Variants in ZFP82 observed in about 807,000 individuals in gnomAD.
The protein encoded by ZFP82 is zinc finger protein 82 homolog.
ZFP82 carries 30 observed loss-of-function variants against 54.0 expected under a neutral mutation model. The ratio of observed to expected loss-of-function variants is 0.56; its 90% CI spans 0.42 to 0.75. The LOEUF is 0.75. ZFP82 is among the 30% of genes least tolerant of loss of function. The probability of loss-of-function intolerance (pLI) is 0.00; values close to 1 mark genes in which losing one functional copy is unlikely to be tolerated. For synonymous variants in ZFP82, 194 were observed against 209.5 expected (o/e 0.93, Z 0.64); for missense variants, 500 against 636.8 (o/e 0.79, Z 2.31).
Position 36,392,616 on chromosome 19 carries a change from T to A in ZFP82, c.*125A>T, listed in dbSNP as rs1285993290. 2 of 798,994 alleles carry A rather than the reference T, an allele frequency of 2.5e-6. No homozygotes were observed. Among genetic ancestry groups the A allele is most frequent in the East Asian group, 2.8e-5 (1 of 36,302 alleles). The allele number at this position is 798,994 out of a possible 1,614,324, so 49.5% of individuals were successfully genotyped here. A position where few individuals can be genotyped will look rare whatever the true frequency, so the allele number is the denominator to read the frequency against. ...AGGTTTGAGTGATGATGGACTACAATACATTGTCACACTCTTTTAATGGTA... is the reference window on the plus strand; with the variant it reads ...AGGTTTGAGTGATGATGGACTACAAAACATTGTCACACTCTTTTAATGGTA... On this transcript the variant is annotated 3_prime_UTR_variant, in exon 5 of 5. Coordinates refer to ENST00000392161, the MANE Select transcript of ZFP82 (RefSeq NM_133466.4).
chr19:36,394,109 A>C lies in ZFP82; in HGVS notation c.231T>G (p.Asp77Glu). The change falls in exon 5 of 5, where the codon GAT (aspartate) becomes GAG (glutamate). Residue 77 changes from aspartate to glutamate, a missense_variant and splice_region_variant. By Grantham distance (45) the Asp-to-Glu change is conservative. Coordinates refer to ENST00000392161, the MANE Select transcript of ZFP82 (RefSeq NM_133466.4). ...VVRKGRRQYP[D>E]LETKYETKKL... ...TCTTGGTCTCATACTTGGTCTCCAA[A>C]TCTAAAATAAAACAAGAAAGCAAAC... The C allele has an allele frequency of 1.3e-6, 2 of 1,597,106 alleles. No individual in the cohort carries two copies. Among genetic ancestry groups the C allele is most frequent in the Non-Finnish European group, 1.7e-6 (2 of 1,176,124 alleles).
intron 1 of ZFP82, among the ~76,000 whole-genome samples, chr19:36,414,031 G>C (rs1451123231): frequency 2.7e-5 from 4 of 150,726 alleles, no homozygotes; most frequent in African/African-American, 9.8e-5. Flanking sequence ...CTCCCGAGTA[G>C]CTGGGACTAC....
chr19:36,417,973 T>A (rs1021557961), intron 1 of ZFP82, among the ~76,000 whole-genome samples: 10 of 152,016 alleles, frequency 6.6e-5, no homozygotes, highest in Non-Finnish European at 1.3e-4. Flanking sequence ...AGAGTAGTGG[T>A]GCTATCATAG....
At position 36,405,603 on chromosome 19, in the gene ZFP82, C is replaced by G. The variant is rs1401785365; in HGVS notation, c.206G>C (p.Arg69Thr). The G allele has an allele frequency of 6.2e-6, 10 of 1,611,012 alleles. No homozygotes were observed. Among genetic ancestry groups the G allele is most frequent in the Non-Finnish European group, 8.5e-6 (10 of 1,177,888 alleles). ...EQGKEPWKVV[R>T]KGRRQYPDLE... ...ACCTGGATATTGTCTTCTTCCTTTCCTCACAACTTTCCAAGGCTCTTTTCC... is the reference window on the plus strand; with the variant it reads ...ACCTGGATATTGTCTTCTTCCTTTCGTCACAACTTTCCAAGGCTCTTTTCC... Residue 69 changes from arginine (R) to threonine (T), a missense_variant, in exon 4 of 5, where the codon AGG (arginine) becomes ACG (threonine). Physicochemically the swap from Arg to Thr is moderately conservative, Grantham distance 71. Coordinates refer to ENST00000392161, the MANE Select transcript of ZFP82 (RefSeq NM_133466.4).
chr19:36,418,179 G>T (rs2032705202), intron 1 of ZFP82, among the ~76,000 whole-genome samples: 1 of 151,896 alleles, frequency 6.6e-6, no homozygotes, highest in Admixed American at 6.6e-5. Context: ...CGCTCTCCCA[G>T]AGCTCTGGGA....
Position 36,409,876 on chromosome 19 carries a change from A to C in ZFP82, c.-78-9T>G, listed in dbSNP as rs2271842. On this transcript the variant is annotated splice_polypyrimidine_tract_variant and intron_variant, in intron 1 of 4. Coordinates refer to ENST00000392161, the MANE Select transcript of ZFP82 (RefSeq NM_133466.4). ...AGTCCACAGAGGCTGATCTAGGGAGAGGAAAACAAGGCCATGAGATCAGAT... is the reference window on the plus strand; with the variant it reads ...AGTCCACAGAGGCTGATCTAGGGAGCGGAAAACAAGGCCATGAGATCAGAT... The C allele has an allele frequency of 0.21, 295,786 of 1,425,512 alleles. 31,990 individuals are homozygous for C. The highest frequency in any genetic ancestry group is 0.23 in the Non-Finnish European group (231,926 of 1,016,748). 88.3% of individuals were successfully genotyped at this position (1,425,512 alleles called of 1,614,324 possible).
intron 2 of ZFP82, 21 bp from the exon 3 acceptor site, chr19:36,408,034 T>A (rs1326408530): frequency 6.2e-7 from 1 of 1,606,752 alleles, no homozygotes; most frequent in Non-Finnish European, 8.5e-7. Context: ...AAACCACACA[T>A]TATAAATGAA....
At position 36,393,008 on chromosome 19, in the gene ZFP82, A is replaced by G. The variant is rs760506069; in HGVS notation, c.1332T>C (p.His444=). ...LSQLTQHQSI[H]IGEKPYKCKE... Reference sequence around the variant, plus strand: ...TACATTTATAAGGTTTCTCACCAATATGAATACTCTGATGCTGTGTGAGTT... The same window carrying G: ...TACATTTATAAGGTTTCTCACCAATGTGAATACTCTGATGCTGTGTGAGTT... The change falls in exon 5 of 5, where the codon CAT becomes CAC. Residue 444 remains histidine (H), a synonymous_variant. Transcript: ENST00000392161. The G allele has an allele frequency of 2.3e-5, 37 of 1,614,080 alleles. No homozygotes were observed. The highest frequency in any genetic ancestry group is 3.0e-5 in the Non-Finnish European group (35 of 1,180,032).
In ZFP82 at chr19:36,393,997, G is replaced by A; in HGVS notation, c.343C>T (p.Leu115Phe). The change falls in exon 5 of 5, where the codon CTC (leucine) becomes TTC (phenylalanine). Residue 115 changes from leucine (L) to phenylalanine (F), a missense_variant. Transcript: ENST00000392161. ...GATTCCCAATCATTTTTTAAAATGA[G>A]ACCCTTAAGGCCATGGTTTTCAATT... Reference protein sequence around the residue: ...ERIENHGLKGLILKNDWESTG... With the variant: ...ERIENHGLKGFILKNDWESTG... 6.2e-7 allele frequency: 1 copy of A among 1,613,118 alleles called. No individual in the cohort carries two copies. Among genetic ancestry groups the A allele is most frequent in the Non-Finnish European group, 8.5e-7 (1 of 1,179,708 alleles).
chr19:36,386,822 G>C (rs2032120913), downstream of ZFP82, among the ~76,000 whole-genome samples: 1 of 152,210 alleles, frequency 6.6e-6, no homozygotes, highest in African/African-American at 2.4e-5. Context: ...TGTAATCCCA[G>C]CTACTCGGGA....
At chr19:36,407,838 C>G in intron 3 of ZFP82, 49 bp downstream of exon 3, 1 of 1,560,520 alleles carries the variant, frequency 6.4e-7, no homozygotes, top group South Asian at 1.2e-5. Context: ...CAGGAAAAAG[C>G]TGATTTACAG....
chr19:36,389,942 G>A lies in ZFP82; in HGVS notation c.*2799C>T, dbSNP rs964171289. 5.9e-5 allele frequency among the ~76,000 whole-genome samples: 9 copies of A among 151,864 alleles called. No individual in the cohort carries two copies. The highest frequency in any genetic ancestry group is 1.2e-4 in the African/African-American group (5 of 41,294). On this transcript the variant is annotated 3_prime_UTR_variant, in exon 5 of 5. Transcript: ENST00000392161. ...TCCCCTGCCCTAACTAGACAATTACGAATCCCCCCTAGATCCCAGAGACCA... is the reference window on the plus strand; with the variant it reads ...TCCCCTGCCCTAACTAGACAATTACAAATCCCCCCTAGATCCCAGAGACCA...
At chr19:36,403,093 G>A (rs1324309149) in intron 4 of ZFP82, among the ~76,000 whole-genome samples, 3 of 151,860 alleles carry the variant, frequency 2.0e-5, no homozygotes, top group African/African-American at 7.3e-5. Flanking sequence ...CAGTGAGCAA[G>A]ATCACGCCAC....
chr19:36,413,543 A>G (rs1282739941), intron 1 of ZFP82, among the ~76,000 whole-genome samples: 1 of 152,246 alleles, frequency 6.6e-6, no homozygotes, highest in Non-Finnish European at 1.5e-5. Context: ...CACATTAATT[A>G]AAGAAGGAAG....
chr19:36,414,177 G>A (rs573295480), intron 1 of ZFP82, among the ~76,000 whole-genome samples: 6 of 152,128 alleles, frequency 3.9e-5, no homozygotes, highest in African/African-American at 1.4e-4. Context: ...TGGGATTACA[G>A]GCGTTAGCCA....
At chr19:36,383,973 A>G (rs2032088271), downstream of ZFP82, 1 of 152,238 alleles carries the variant, frequency 6.6e-6, no homozygotes, top group Non-Finnish European at 1.5e-5. Flanking sequence ...ATTACTATGC[A>G]TACCAGAAGT....
intron 4 of ZFP82, among the ~76,000 whole-genome samples, chr19:36,399,292 G>T (rs776491441): frequency 5.3e-5 from 8 of 152,194 alleles, no homozygotes; most frequent in Admixed American, 2.0e-4. Context: ...AGAGATTCCT[G>T]CACAGAAGCT....
intron 1 of ZFP82, 126 bp from the exon 2 acceptor site, chr19:36,409,993 G>GCA: frequency 3.6e-6 from 2 of 557,056 alleles, no homozygotes; most frequent in Non-Finnish European, 6.4e-6. Flanking sequence ...ACACACGCGC[G>GCA]CACACACACA....
At chr19:36,403,643 T>C (rs1430557425) in intron 4 of ZFP82, among the ~76,000 whole-genome samples, 2 of 144,902 alleles carry the variant, frequency 1.4e-5, no homozygotes, top group Non-Finnish European at 3.0e-5. Context: ...AAAAAAACCT[T>C]TTGAAACAAG....
Sources: gnomAD v4.1 joint callset for allele counts (sites outside exome capture counted in the v4.1 genomes callset) on GRCh38, gnomAD v4.1.1 for gene constraint, MANE v1.5 for transcripts, NCBI Gene and HGNC (gene_info 2026-07-23, HGNC 2026-07-21) for gene names.